ANOS1: variants seen among roughly 807,000 people sequenced by gnomAD.
ANOS1 encodes the protein anosmin-1.
A neutral mutation model predicts 59.0 loss-of-function variants in ANOS1; 6 were observed. The ratio of observed to expected loss-of-function variants is 0.10; its 90% CI spans 0.06 to 0.20. The LOEUF is 0.20. ANOS1 is among the 10% of genes least tolerant of loss of function. The probability of loss-of-function intolerance (pLI) is 1.00; values close to 1 mark genes in which losing one functional copy is unlikely to be tolerated. For missense variants in ANOS1, 433 were observed against 542.3 expected (o/e 0.80, Z 2.00); for synonymous variants, 217 against 223.4 (o/e 0.97, Z 0.25).
intron 3 of ANOS1, among the ~76,000 whole-genome samples, chrX:8,610,761 G>A (rs1931040922): frequency 9.0e-6 from 1 of 111,264 alleles, no homozygotes. Flanking sequence ...ATTGGGCCTA[G>A]TCTAAAGGCT....
rs559509879 is a variant in ANOS1, at chrX:8,592,908, A to G, written c.541+4126T>C. 4.5e-5 allele frequency among the ~76,000 whole-genome samples: 5 copies of G among 111,631 alleles called. No individual in the cohort carries two copies. In the Admixed American group the frequency reaches 4.8e-4, roughly 11 times the overall value. On this transcript the variant is annotated intron_variant, in intron 4 of 13. Transcript: ENST00000262648. Reference sequence around the variant, plus strand: ...GTTAACTTACTTCCAGGCATCAGTTAAGTGCAGTTCTTACAGCATAGCCCA... The same window carrying G: ...GTTAACTTACTTCCAGGCATCAGTTGAGTGCAGTTCTTACAGCATAGCCCA...
At chrX:8,719,150 C>G (rs1932858866) in intron 1 of ANOS1, among the ~76,000 whole-genome samples, 1 of 111,639 alleles carries the variant, frequency 9.0e-6, no homozygotes, top group Admixed American at 9.6e-5. Context: ...TCAATATAAG[C>G]TGTGTATTCT....
At chrX:8,699,868 C>G in intron 1 of ANOS1, 123 bp from the exon 2 acceptor site, 1 of 443,567 alleles carries the variant, frequency 2.3e-6, no homozygotes, top group East Asian at 5.4e-5. Context: ...AATACCCAAT[C>G]TTGCAAAACC....
chrX:8,589,458 C>T (rs1050885724), intron 4 of ANOS1, among the ~76,000 whole-genome samples: 2 of 111,913 alleles, frequency 1.8e-5, no homozygotes, highest in African/African-American at 6.5e-5. Flanking sequence ...AATCTGATCT[C>T]AGGTTTCTCT....
At chrX:8,574,202 C>T (rs913350865) in intron 6 of ANOS1, among the ~76,000 whole-genome samples, 3 of 109,728 alleles carry the variant, frequency 2.7e-5, no homozygotes, top group Non-Finnish European at 5.7e-5. Flanking sequence ...TTTCCTCTCC[C>T]TTTGCCTAAA....
At chrX:8,619,401 G>C (rs967149398) in intron 3 of ANOS1, among the ~76,000 whole-genome samples, 107 of 111,219 alleles carry the variant, frequency 9.6e-4, no homozygotes, top group South Asian at 3.0e-3. Flanking sequence ...GTCAGGAGAT[G>C]GAGACCATCC....
At chrX:8,593,825 C>T (rs920249611) in intron 4 of ANOS1, among the ~76,000 whole-genome samples, 2 of 111,136 alleles carry the variant, frequency 1.8e-5, no homozygotes, top group African/African-American at 3.3e-5. Flanking sequence ...AGGCACATGC[C>T]ACCATGCCTA....
chrX:8,608,144 A>G (rs753091388), intron 3 of ANOS1, among the ~76,000 whole-genome samples: 1 of 112,132 alleles, frequency 8.9e-6, no homozygotes, highest in African/African-American at 3.2e-5. Context: ...ACTTTCTTCA[A>G]AATATTAAAG....
chrX:8,685,593 A>AAAGG (rs200018635), intron 2 of ANOS1, among the ~76,000 whole-genome samples: 9,100 of 74,392 alleles, frequency 0.12, 653 homozygotes, highest in Non-Finnish European at 0.13. Flanking sequence ...AAAGAGAAAG[A>AAAGG]AAGGAAGAAA....
At chrX:8,572,213 C>T (rs1247117477) in intron 6 of ANOS1, among the ~76,000 whole-genome samples, 1 of 109,705 alleles carries the variant, frequency 9.1e-6, no homozygotes, top group Non-Finnish European at 1.9e-5. Context: ...TGGTGGTTTG[C>T]TGCACAAATC....
At chrX:8,538,662 C>T (rs1479652389) in intron 10 of ANOS1, among the ~76,000 whole-genome samples, 3 of 112,029 alleles carry the variant, frequency 2.7e-5, no homozygotes, top group Admixed American at 9.5e-5. Flanking sequence ...CTTTTCAAAT[C>T]GACTTCCTTA....
At chrX:8,616,794 A>G (rs1043820169) in intron 3 of ANOS1, among the ~76,000 whole-genome samples, 5 of 111,756 alleles carry the variant, frequency 4.5e-5, no homozygotes, top group Admixed American at 1.9e-4. Flanking sequence ...TCATTTGCTC[A>G]GTGGATTAGA....
intron 2 of ANOS1, among the ~76,000 whole-genome samples, chrX:8,641,382 A>G (rs1931662845): frequency 8.9e-6 from 1 of 112,535 alleles, no homozygotes; most frequent in African/African-American, 3.2e-5. Context: ...CCTCACATTC[A>G]TCTTCTCATT....
At chrX:8,567,027 C>A (rs781178482) in intron 8 of ANOS1, among the ~76,000 whole-genome samples, 2 of 111,838 alleles carry the variant, frequency 1.8e-5, no homozygotes, top group East Asian at 5.6e-4. Context: ...GGAGCCCCTG[C>A]GACAAACGCC....
chrX:8,539,588 T>C, intron 10 of ANOS1, 76 bp downstream of exon 10: 7 of 1,202,545 alleles, frequency 5.8e-6, no homozygotes, highest in Non-Finnish European at 7.9e-6. Flanking sequence ...AGTTATCTGT[T>C]TGACCTGTCT....
At chrX:8,731,700 A>G in intron 1 of ANOS1, 130 bp downstream of exon 1, 1 of 1,075,206 alleles carries the variant, frequency 9.3e-7, no homozygotes, top group Non-Finnish European at 1.2e-6. Context: ...ATCCACGCCC[A>G]GGGGAAGCCA....
At chrX:8,623,719 G>A in intron 2 of ANOS1, 49 bp from the exon 3 acceptor site, 1 of 989,244 alleles carries the variant, frequency 1.0e-6, no homozygotes, top group Non-Finnish European at 1.4e-6. Flanking sequence ...AACAAACAAA[G>A]CTGAGAGGAA....
chrX:8,661,651 C>T (rs1255516451), intron 2 of ANOS1, among the ~76,000 whole-genome samples: 5 of 111,687 alleles, frequency 4.5e-5, no homozygotes, highest in Non-Finnish European at 9.4e-5. Context: ...ACTACAAGTC[C>T]AAACACTATA....
chrX:8,624,235 C>T (rs913715097), intron 2 of ANOS1, among the ~76,000 whole-genome samples: 4 of 109,922 alleles, frequency 3.6e-5, no homozygotes, highest in Admixed American at 2.9e-4. Flanking sequence ...AGGCTGGTCT[C>T]GAACTCATGA....
Sources: allele counts gnomAD v4.1 joint callset (sites outside exome capture counted in the v4.1 genomes callset), GRCh38; gene constraint gnomAD v4.1.1; transcripts MANE v1.5; gene names NCBI Gene and HGNC (gene_info 2026-07-23, HGNC 2026-07-21).